Variants in MAN1A2 observed in about 807,000 individuals in gnomAD.
MAN1A2 encodes mannosyl-oligosaccharide 1,2-alpha-mannosidase IB.
MAN1A2 carries 26 observed loss-of-function variants against 75.7 expected under a neutral mutation model. The ratio of observed to expected loss-of-function variants is 0.34; its 90% CI spans 0.25 to 0.48. The LOEUF (loss-of-function observed/expected upper bound fraction) is 0.48. Among genes scored for constraint, MAN1A2 ranks in the 20% least tolerant of loss-of-function variants. The pLI is 0.99. For missense variants in MAN1A2, 562 were observed against 775.5 expected (o/e 0.72, Z 3.27); for synonymous variants, 247 against 264.6 (o/e 0.93, Z 0.65).
At chr1:117,485,322 G>A (rs1187396133) in intron 8 of MAN1A2, among the ~76,000 whole-genome samples, 1 of 151,962 alleles carries the variant, frequency 6.6e-6, no homozygotes, top group East Asian at 1.9e-4. Context: ...TAGTACTTCT[G>A]CTTCATGGAA....
At chr1:117,419,118 G>C (rs939468360) in intron 4 of MAN1A2, among the ~76,000 whole-genome samples, 1 of 152,022 alleles carries the variant, frequency 6.6e-6, no homozygotes, top group Non-Finnish European at 1.5e-5. Flanking sequence ...TAATACAAGG[G>C]ATGTCAAAGA....
At chr1:117,446,119 G>A (rs1649228500) in intron 6 of MAN1A2, among the ~76,000 whole-genome samples, 1 of 151,050 alleles carries the variant, frequency 6.6e-6, no homozygotes, top group Non-Finnish European at 1.5e-5. Context: ...CATCTTTGTA[G>A]ATTCTATAGC....
chr1:117,498,190 A>G (rs1004886744), intron 10 of MAN1A2, among the ~76,000 whole-genome samples: 21 of 151,842 alleles, frequency 1.4e-4, no homozygotes, highest in African/African-American at 5.1e-4. Context: ...AGGCTAAATT[A>G]AATTATCGTG....
At chr1:117,449,363 A>G (rs188688347) in intron 6 of MAN1A2, among the ~76,000 whole-genome samples, 2 of 152,206 alleles carry the variant, frequency 1.3e-5, no homozygotes, top group Non-Finnish European at 2.9e-5. Flanking sequence ...GTTCGAGACC[A>G]GCCTGGGCAA....
At chr1:117,370,069 TA>T (rs1317842520) in intron 1 of MAN1A2, among the ~76,000 whole-genome samples, 1 of 152,224 alleles carries the variant, frequency 6.6e-6, no homozygotes, top group Non-Finnish European at 1.5e-5. Context: ...TAAATGGAGT[TA>T]AAATATGAAA....
At chr1:117,514,160 C>T (rs895007748) in intron 12 of MAN1A2, among the ~76,000 whole-genome samples, 8 of 152,028 alleles carry the variant, frequency 5.3e-5, no homozygotes, top group East Asian at 1.9e-4. Flanking sequence ...TTCAGGAGTT[C>T]GAGACCAGCC....
chr1:117,459,114 T>C (rs2101833790), intron 6 of MAN1A2, among the ~76,000 whole-genome samples: 1 of 152,308 alleles, frequency 6.6e-6, no homozygotes, highest in South Asian at 2.1e-4. Context: ...TCCCTGAGGA[T>C]ATGTTCTAAA....
chr1:117,486,895 A>G (rs116323807), intron 8 of MAN1A2, among the ~76,000 whole-genome samples: 170 of 152,200 alleles, frequency 1.1e-3, no homozygotes, highest in African/African-American at 4.0e-3. Flanking sequence ...TGTAAGAACA[A>G]ACAAATAAAA....
intron 12 of MAN1A2, among the ~76,000 whole-genome samples, chr1:117,509,531 G>C (rs1348125997): frequency 6.6e-6 from 1 of 151,884 alleles, no homozygotes; most frequent in East Asian, 1.9e-4. Flanking sequence ...CCTTAAGTGT[G>C]TATTATCAGT....
chr1:117,425,793 T>C (rs1189610681), intron 5 of MAN1A2, among the ~76,000 whole-genome samples: 4 of 152,232 alleles, frequency 2.6e-5, no homozygotes, highest in African/African-American at 9.6e-5. Context: ...TTCAGTTTTA[T>C]GCTGCAAATC....
rs1033955338 is a variant in MAN1A2 at position 117,523,740 on chromosome 1, T to C, written c.*783T>C. The C allele has an allele frequency of 1.3e-4, 20 of 152,116 alleles. No homozygotes were observed. Among genetic ancestry groups the C allele is most frequent in the African/African-American group, 4.6e-4 (19 of 41,392 alleles). 9.4% of individuals were successfully genotyped at this position (152,116 alleles called of 1,614,324 possible). A position where few individuals can be genotyped will look rare whatever the true frequency, so the allele number is the denominator to read the frequency against. On this transcript the variant is annotated 3_prime_UTR_variant, in exon 13 of 13. Transcript: ENST00000356554. Reference sequence around the variant, plus strand: ...TTTGTGCATGTAGTTCAGTCTAGTGTTGGTAGCATGACAGAAAGTGGGGAA... The same window carrying C: ...TTTGTGCATGTAGTTCAGTCTAGTGCTGGTAGCATGACAGAAAGTGGGGAA...
intron 1 of MAN1A2, among the ~76,000 whole-genome samples, chr1:117,382,336 T>C (rs2101727532): frequency 6.6e-6 from 1 of 152,342 alleles, no homozygotes; most frequent in Non-Finnish European, 1.5e-5. Flanking sequence ...AAGTCTTTAA[T>C]CCATCTTGAA....
intron 8 of MAN1A2, among the ~76,000 whole-genome samples, chr1:117,484,408 T>C (rs902298730): frequency 2.6e-5 from 4 of 151,998 alleles, no homozygotes; most frequent in African/African-American, 9.7e-5. Flanking sequence ...TTTTCGCTGC[T>C]TCTTGGGAAC....
At chr1:117,493,452 T>C (rs1650948576) in intron 9 of MAN1A2, 190 bp downstream of exon 9, 1 of 425,468 alleles carries the variant, frequency 2.4e-6, no homozygotes, top group African/African-American at 2.1e-5. Context: ...AGTCTTCTTT[T>C]ATTTGTGACA....
intron 1 of MAN1A2, among the ~76,000 whole-genome samples, chr1:117,369,699 T>C (rs959567655): frequency 2.0e-5 from 3 of 152,206 alleles, no homozygotes; most frequent in Non-Finnish European, 4.4e-5. Flanking sequence ...ATTTTTGCCA[T>C]TTTCGACTAC....
chr1:117,410,645 T>C (rs1279802438), intron 3 of MAN1A2, among the ~76,000 whole-genome samples: 3 of 149,758 alleles, frequency 2.0e-5, no homozygotes, highest in Admixed American at 6.6e-5. Flanking sequence ...AGAATAAAGA[T>C]TGGAAATGAA....
chr1:117,408,444 C>G (rs927520131), intron 3 of MAN1A2, among the ~76,000 whole-genome samples: 5 of 151,634 alleles, frequency 3.3e-5, no homozygotes, highest in Non-Finnish European at 7.4e-5. Flanking sequence ...TTTTGCAATG[C>G]TCTTTGAAGG....
intron 1 of MAN1A2, among the ~76,000 whole-genome samples, chr1:117,388,575 G>A (rs1277764996): frequency 6.6e-6 from 1 of 152,136 alleles, no homozygotes; most frequent in Non-Finnish European, 1.5e-5. Context: ...AAGAGCGAGA[G>A]AGTGAGTGGG....
chr1:117,485,105 A>T (rs1051637689), intron 8 of MAN1A2, among the ~76,000 whole-genome samples: 4 of 152,022 alleles, frequency 2.6e-5, no homozygotes, highest in African/African-American at 9.7e-5. Flanking sequence ...CTTGAATAAC[A>T]AAGTGGTTAT....
Sources: allele counts gnomAD v4.1 joint callset (sites outside exome capture counted in the v4.1 genomes callset), GRCh38; gene constraint gnomAD v4.1.1; transcripts MANE v1.5; gene names NCBI Gene and HGNC (gene_info 2026-07-23, HGNC 2026-07-21).